PPEF1: variants seen among roughly 807,000 people sequenced by gnomAD.
PPEF1 encodes serine/threonine-protein phosphatase with EF-hands 1.
Under a neutral mutation model 53.3 loss-of-function variants are expected in PPEF1, and 12 were observed. The observed-to-expected ratio is 0.23, with a 90% CI of 0.14 to 0.36. PPEF1 has a LOEUF of 0.36. PPEF1 is among the 10% of genes least tolerant of loss of function. PPEF1 has a pLI of 1.00. For synonymous variants in PPEF1, 165 were observed against 176.7 expected (o/e 0.93, Z 0.52); for missense variants, 334 against 490.4 (o/e 0.68, Z 3.01).
At chrX:18,800,172 T>C (rs2046520607) in intron 10 of PPEF1, among the ~76,000 whole-genome samples, 1 of 111,790 alleles carries the variant, frequency 8.9e-6, no homozygotes, top group South Asian at 3.7e-4. Context: ...CTTGAAGTGC[T>C]AACTCCTTGG....
upstream of PPEF1, among the ~76,000 whole-genome samples, chrX:18,706,097 G>A (rs1216328974): frequency 9.3e-6 from 1 of 107,579 alleles, no homozygotes; most frequent in African/African-American, 3.4e-5. Flanking sequence ...GGGAGACCCT[G>A]TCTCTACAAA....
chrX:18,684,615 C>T (rs1232063649), intron 1 of PPEF1, among the ~76,000 whole-genome samples: 1 of 106,851 alleles, frequency 9.4e-6, no homozygotes, highest in Non-Finnish European at 1.9e-5. Context: ...GTATCTTTTT[C>T]TCTCTCTCTT....
chrX:18,804,838 T>C (rs1344976414), intron 11 of PPEF1, among the ~76,000 whole-genome samples: 1 of 111,882 alleles, frequency 8.9e-6, no homozygotes, highest in African/African-American at 3.3e-5. Flanking sequence ...CTCCAGCAAG[T>C]TGCTCACTGT....
intron 3 of PPEF1, among the ~76,000 whole-genome samples, chrX:18,737,424 T>G (rs1159781583): frequency 8.9e-6 from 1 of 111,907 alleles, no homozygotes; most frequent in Non-Finnish European, 1.9e-5. Context: ...TTCCATGTAG[T>G]TGAGCAGTTT....
intron 7 of PPEF1, among the ~76,000 whole-genome samples, chrX:18,779,697 G>A (rs2046045439): frequency 8.9e-6 from 1 of 112,518 alleles, no homozygotes; most frequent in African/African-American, 3.2e-5. Flanking sequence ...AGAAACTTGA[G>A]GAATAAAGAT....
At position 18,727,246 on chromosome X, in the gene PPEF1, A is replaced by G. The variant is rs762155269; in HGVS notation, c.47-2935A>G. Among the ~76,000 whole-genome samples the G allele has an allele frequency of 8.1e-5, 9 of 111,103 alleles. No individual in the cohort carries two copies. The East Asian group carries it at 2.6e-3, about 32-fold the overall frequency. ...GACTAATCAATGCATGGTCCTTTGT[A>G]AGTGCCTAGGAAGTGGCACTGGAAA... On this transcript the variant is annotated intron_variant, in intron 1 of 15. Transcript: ENST00000470157.
intron 10 of PPEF1, among the ~76,000 whole-genome samples, chrX:18,792,714 C>T (rs867097459): frequency 9.0e-6 from 1 of 111,449 alleles, no homozygotes; most frequent in Non-Finnish European, 1.9e-5. Flanking sequence ...AGGTTCTTGG[C>T]GTCTTGAACA....
chrX:18,733,684 C>G (rs2044892869), intron 2 of PPEF1, 64 bp from the exon 3 acceptor site: 1 of 949,630 alleles, frequency 1.1e-6, no homozygotes, highest in Non-Finnish European at 1.5e-6. Flanking sequence ...GGAACACCAA[C>G]AGCATTTGTC....
chrX:18,741,772 C>CTTTTTTTTTT (rs58971135), intron 3 of PPEF1, among the ~76,000 whole-genome samples: 3 of 66,335 alleles, frequency 4.5e-5, no homozygotes, highest in African/African-American at 1.8e-4. Context: ...GCTGCTGCTT[C>CTTTTTTTTTT]TTTTTTTTTT....
chrX:18,738,621 G>C (rs2147404201), intron 3 of PPEF1, among the ~76,000 whole-genome samples: 1 of 111,092 alleles, frequency 9.0e-6, no homozygotes, highest in Non-Finnish European at 1.9e-5. Flanking sequence ...TGTTCTTCTC[G>C]AGGAGTATCT....
intron 10 of PPEF1, among the ~76,000 whole-genome samples, chrX:18,793,550 T>C (rs1030484180): frequency 3.5e-4 from 39 of 111,345 alleles, no homozygotes; most frequent in African/African-American, 1.2e-3. Flanking sequence ...CAGAAGACTA[T>C]ATATTTCACT....
intron 5 of PPEF1, chrX:18,700,121 C>T (rs180752564): frequency 1.8e-5 from 2 of 111,728 alleles, no homozygotes; most frequent in Non-Finnish European, 3.8e-5. Flanking sequence ...CTCCCAGATT[C>T]GTGGCTCTGG....
intron 4 of PPEF1, among the ~76,000 whole-genome samples, chrX:18,752,518 C>T (rs2045465184): frequency 9.0e-6 from 1 of 111,240 alleles, no homozygotes; most frequent in Non-Finnish European, 1.9e-5. Context: ...CTGGCTAGAA[C>T]TTCCACCACA....
intron 1 of PPEF1, among the ~76,000 whole-genome samples, chrX:18,725,781 C>T (rs2044691998): frequency 9.0e-6 from 1 of 111,225 alleles, no homozygotes; most frequent in Non-Finnish European, 1.9e-5. Flanking sequence ...GGGGCAGTTC[C>T]GTTTCCTGAC....
chrX:18,712,280 T>C (rs892812753), intron 1 of PPEF1, among the ~76,000 whole-genome samples: 8 of 111,771 alleles, frequency 7.2e-5, no homozygotes, highest in African/African-American at 2.6e-4. Context: ...TTAAATAATC[T>C]GATCCATGAA....
intron 1 of PPEF1, among the ~76,000 whole-genome samples, chrX:18,712,036 G>A (rs775539728): frequency 8.9e-6 from 1 of 112,225 alleles, no homozygotes; most frequent in East Asian, 2.8e-4. Context: ...ACAGGCATAA[G>A]CCACCACGCC....
chrX:18,716,583 TGA>T (rs1438055631), intron 1 of PPEF1, among the ~76,000 whole-genome samples: 1 of 108,464 alleles, frequency 9.2e-6, no homozygotes, highest in East Asian at 2.9e-4. Flanking sequence ...CACAGCTGCT[TGA>T]GAGCCCCCCT....
intron 6 of PPEF1, among the ~76,000 whole-genome samples, chrX:18,775,066 T>C (rs2045938685): frequency 9.0e-6 from 1 of 111,266 alleles, no homozygotes; most frequent in African/African-American, 3.3e-5. Context: ...CTTTGAATGC[T>C]AGTCTCTTAT....
At chrX:18,764,556 G>C (rs1394794108) in intron 6 of PPEF1, among the ~76,000 whole-genome samples, 1 of 111,718 alleles carries the variant, frequency 9.0e-6, no homozygotes, top group Non-Finnish European at 1.9e-5. Flanking sequence ...ATGAAATGGA[G>C]ATTCTACTGG....
Sources: allele counts gnomAD v4.1 joint callset (sites outside exome capture counted in the v4.1 genomes callset), GRCh38; gene constraint gnomAD v4.1.1; transcripts MANE v1.5; gene names NCBI Gene and HGNC (gene_info 2026-07-23, HGNC 2026-07-21).